The following MUC17 variants were observed in gnomAD, a reference collection of about 807,000 sequenced individuals.
The protein encoded by MUC17 is mucin-17.
MUC17 carries 190 observed loss-of-function variants against 170.3 expected under a neutral mutation model. That is an observed-to-expected ratio of 1.12 (90% CI 0.99 to 1.26). MUC17 has a LOEUF of 1.26. Ranked by LOEUF, MUC17 falls within the 50% of genes most tolerant of loss-of-function variation. MUC17 has a pLI of 0.00. For missense variants in MUC17, 6,415 were observed against 5,530.0 expected, an observed-to-expected ratio of 1.16 and a Z score of -5.08; for synonymous variants, 2,325 against 2,002.5, an observed-to-expected ratio of 1.16 and a Z score of -4.30.
rs764263151 is a variant in MUC17 at position 101,039,594 on chromosome 7, T to G, written c.8178T>G (p.Ser2726=). Reference sequence around the variant, plus strand: ...ACACCAGCACACCTGTCACCACTTCTGCTGAAGCCAGTTCTTCTCCTACAA... The same window carrying G: ...ACACCAGCACACCTGTCACCACTTCGGCTGAAGCCAGTTCTTCTCCTACAA... ...PVDTSTPVTT[S]AEASSSPTTA... Residue 2726 remains serine, a synonymous_variant, in exon 3 of 13, where the codon TCT becomes TCG. Transcript: ENST00000306151. 2.5e-6 allele frequency: 4 copies of G among 1,612,576 alleles called. No homozygotes were observed. Among genetic ancestry groups the G allele is most frequent in the Non-Finnish European group, 2.5e-6 (3 of 1,179,218 alleles).
rs1426730542 is a variant in MUC17, at chr7:101,050,589, C to T, written c.12828C>T (p.Ile4276=). 6.2e-7 allele frequency: 1 copy of T among 1,614,128 alleles called. No individual in the cohort carries two copies. The highest frequency in any genetic ancestry group is 1.7e-5 in the Admixed American group (1 of 60,022). ...CCACCGAAGTAGTGAAAGAGAAAAT[C>T]ACAAAAGTGACCACACAGCAAATAA... The part of the protein sequence containing the change: ...DNATEVVKEK[I]TKVTTQQIMI... Residue 4276 remains isoleucine (I), a synonymous_variant, in exon 7 of 13, where the codon ATC becomes ATT. Transcript: ENST00000306151.
Position 101,031,169 on chromosome 7 carries a change from AG to A in MUC17, c.136del (p.Asp46ThrfsTer3). On this transcript the variant is annotated frameshift_variant, in exon 2 of 13. Coordinates refer to ENST00000306151, the MANE Select transcript of MUC17 (RefSeq NM_001040105.2). LOFTEE classifies it high-confidence loss of function. ...GGGATGGAGGAGGGTGCATCTCCCAAGGGGACGTCTTGAACCGTCAGTGCCA... is the reference window on the plus strand; with the variant it reads ...GGGATGGAGGAGGGTGCATCTCCCAAGGGACGTCTTGAACCGTCAGTGCCA... ...VWDGGGCISQ[G>X]DVLNRQCQQL... 6.2e-7 allele frequency: 1 copy of A among 1,613,808 alleles called. No homozygotes were observed. The highest frequency in any genetic ancestry group is 1.7e-5 in the Admixed American group (1 of 59,980).
intron 3 of MUC17, among the ~76,000 whole-genome samples, chr7:101,044,226 A>G (rs576673181): frequency 8.5e-5 from 13 of 152,080 alleles, no homozygotes; most frequent in Admixed American, 8.5e-4. Flanking sequence ...AACCTACAGA[A>G]TGGGAGGAAA....
rs988430252 is a variant in MUC17, at chr7:101,050,841, T to C, written c.12874+206T>C. ...TTAACCTTCATCATCCTCTGGCCCA[T>C]TTTTTTCCCTGGGGTAAGGGAAGGG... On this transcript the variant is annotated intron_variant, in intron 7 of 12. Transcript: ENST00000306151. Among the ~76,000 whole-genome samples, 106 of 151,890 alleles carry C rather than the reference T, an allele frequency of 7.0e-4. 2 individuals carry two copies. Among genetic ancestry groups the C allele is most frequent in the Non-Finnish European group, 1.2e-4 (8 of 67,976 alleles).
Position 101,039,134 on chromosome 7 carries a change from G to C in MUC17, c.7718G>C (p.Ser2573Thr). Residue 2573 changes from serine (S) to threonine (T), a missense_variant, in exon 3 of 13, where the codon AGC (serine) becomes ACC (threonine). Coordinates refer to ENST00000306151, the MANE Select transcript of MUC17 (RefSeq NM_001040105.2). ...SMPTSTYSEG[S>T]TPLRSMPVST... is the part of the protein sequence containing the mutation. ...CCTACCTCAACTTATAGTGAAGGAA[G>C]CACTCCATTAAGAAGTATGCCTGTC... 6.2e-7 allele frequency: 1 copy of C among 1,612,588 alleles called. No homozygotes were observed. Among genetic ancestry groups the C allele is most frequent in the Non-Finnish European group, 8.5e-7 (1 of 1,179,634 alleles).
At chr7:101,051,317 A>G (rs1794937450) in intron 7 of MUC17, among the ~76,000 whole-genome samples, 1 of 134,888 alleles carries the variant, frequency 7.4e-6, no homozygotes, top group Non-Finnish European at 1.6e-5. Flanking sequence ...GTGAGCCGAG[A>G]TTGCACCACT....
chr7:101,048,814 A>T, intron 4 of MUC17, 31 bp from the exon 5 acceptor site: 2 of 1,612,278 alleles, frequency 1.2e-6, no homozygotes, highest in Non-Finnish European at 1.7e-6. Context: ...AAACTCAGAG[A>T]TGCTTTGCTC....
intron 12 of MUC17, among the ~76,000 whole-genome samples, chr7:101,057,674 G>A (rs1430155562): frequency 6.6e-6 from 1 of 152,176 alleles, no homozygotes; most frequent in Non-Finnish European, 1.5e-5. Context: ...GAGCCCAGGA[G>A]TTTGAGATCA....
chr7:101,034,382 C>G lies in MUC17; in HGVS notation c.2966C>G (p.Pro989Arg). Reference protein sequence around the residue: ...SEGTTPLTSTPVSHTLVANSE... With the variant: ...SEGTTPLTSTRVSHTLVANSE... ...GGAACGACTCCATTAACAAGCACACCTGTCAGCCACACGCTGGTGGCCAAT... is the reference window on the plus strand; with the variant it reads ...GGAACGACTCCATTAACAAGCACACGTGTCAGCCACACGCTGGTGGCCAAT... Residue 989 changes from proline to arginine, a missense_variant, in exon 3 of 13, where the codon CCT (proline) becomes CGT (arginine). Transcript: ENST00000306151. 1 of 1,608,676 alleles carries G rather than the reference C, an allele frequency of 6.2e-7. No homozygotes were observed. The highest frequency in any genetic ancestry group is 8.5e-7 in the Non-Finnish European group (1 of 1,177,554).
At chr7:101,046,897 G>T (rs1794851885) in intron 3 of MUC17, among the ~76,000 whole-genome samples, 1 of 151,792 alleles carries the variant, frequency 6.6e-6, no homozygotes, top group Non-Finnish European at 1.5e-5. Context: ...GGCTAACACG[G>T]TGAAACATCG....
Position 101,032,845 on chromosome 7 carries a change from G to C in MUC17, c.1429G>C (p.Val477Leu), listed in dbSNP as rs779837923. The C allele has an allele frequency of 1.9e-6, 3 of 1,613,652 alleles. No homozygotes were observed. In the Admixed American group the frequency reaches 5.0e-5, roughly 27 times the overall value. Residue 477 changes from valine (V) to leucine (L), a missense_variant, in exon 3 of 13, where the codon GTT becomes CTT. By Grantham distance (32) the Val-to-Leu change is conservative. Coordinates refer to ENST00000306151, the MANE Select transcript of MUC17 (RefSeq NM_001040105.2). ...GGCTAGCAACCTTTCAACAACTCCT[G>C]TTGACTCCAAAACTCAGGTGACCAC... is the stretch of plus-strand genomic sequence containing the variant. Reference protein sequence around the residue: ...SEASNLSTTPVDSKTQVTTST... With the variant: ...SEASNLSTTPLDSKTQVTTST...
Position 101,043,795 on chromosome 7 carries a change from C to T in MUC17, c.12379C>T (p.Pro4127Ser). 2 of 1,605,948 alleles carry T rather than the reference C, an allele frequency of 1.2e-6. No homozygotes were observed. Among genetic ancestry groups the T allele is most frequent in the Non-Finnish European group, 1.7e-6 (2 of 1,174,780 alleles). The change falls in exon 3 of 13, where the codon CCT becomes TCT. Residue 4127 changes from proline (P) to serine (S), a missense_variant. Pro to Ser is a moderately conservative substitution (Grantham distance 74). Transcript: ENST00000306151. ...TTIKSNPTST[P>S]TVPRTTTCFG... ...AATTAAGAGCAACCCCACCTCAACT[C>T]CTACTGTGCCAAGAACCACAACATG...
rs528092332 is a variant in MUC17 at position 101,034,666 on chromosome 7, A to G, written c.3250A>G (p.Thr1084Ala). ...TTATTCTCAAGCCAGTTCATCTTCT[A>G]CAACTGCTGACGGTACCAGCATGCC... is the stretch of plus-strand genomic sequence containing the variant. The part of the protein sequence containing the change: ...TTYSQASSSS[T>A]TADGTSMPTS... Residue 1084 changes from threonine (T) to alanine (A), a missense_variant, in exon 3 of 13, where the codon ACA becomes GCA. Coordinates refer to ENST00000306151, the MANE Select transcript of MUC17 (RefSeq NM_001040105.2). The G allele has an allele frequency of 1.4e-5, 23 of 1,606,238 alleles. 1 individual carries two copies. In the South Asian group the frequency reaches 1.8e-4, roughly 12 times the overall value.
At position 101,037,458 on chromosome 7, in the gene MUC17, T is replaced by C. The variant is rs1584865837; in HGVS notation, c.6042T>C (p.Thr2014=). Residue 2014 remains threonine (T), a synonymous_variant, in exon 3 of 13, where the codon ACT becomes ACC. Coordinates refer to ENST00000306151, the MANE Select transcript of MUC17 (RefSeq NM_001040105.2). ...TLSTTPVDTS[T]PATTSTEGSS... is the part of the protein sequence containing the mutation. ...CCACAACTCCTGTTGACACCAGCAC[T>C]CCTGCCACCACTTCTACTGAAGGCA... 1 of 1,610,282 alleles carries C rather than the reference T, an allele frequency of 6.2e-7. No homozygotes were observed. The highest frequency in any genetic ancestry group is 8.5e-7 in the Non-Finnish European group (1 of 1,178,022).
In MUC17 at chr7:101,032,137, G is replaced by C. The variant is rs770631238; in HGVS notation, c.721G>C (p.Val241Leu). The change falls in exon 3 of 13, where the codon GTT (valine) becomes CTT (leucine). Residue 241 changes from valine (V) to leucine (L), a missense_variant. Val to Leu is a conservative substitution (Grantham distance 32, BLOSUM62 1). Transcript: ENST00000306151. ...GGCTATCACCCTTTTGACAACTCCT[G>C]TTGAAATCAGCACACCTGTGACCAT... Reference protein sequence around the residue: ...SEAITLLTTPVEISTPVTISA... With the variant: ...SEAITLLTTPLEISTPVTISA... 1.2e-6 allele frequency: 2 copies of C among 1,613,764 alleles called. No homozygotes were observed. The highest frequency in any genetic ancestry group is 1.7e-6 in the Non-Finnish European group (2 of 1,179,976).
Position 101,054,395 on chromosome 7 carries a change from C to A in MUC17, c.13363+959C>A, listed in dbSNP as rs575755319. On this transcript the variant is annotated intron_variant, in intron 11 of 12. Coordinates refer to ENST00000306151, the MANE Select transcript of MUC17 (RefSeq NM_001040105.2). ...AGGTTAAAGGCACATGTTAAAATTTCTAAAAATAGAGTCTTTAAATTCTAA... is the reference window on the plus strand; with the variant it reads ...AGGTTAAAGGCACATGTTAAAATTTATAAAAATAGAGTCTTTAAATTCTAA... Among the ~76,000 whole-genome samples the A allele has an allele frequency of 9.9e-5, 15 of 152,084 alleles. No homozygotes were observed. In the South Asian group the frequency reaches 3.1e-3, roughly 32 times the overall value.
intron 3 of MUC17, among the ~76,000 whole-genome samples, chr7:101,044,798 T>G (rs529411979): frequency 2.6e-5 from 4 of 152,358 alleles, no homozygotes; most frequent in Admixed American, 6.5e-5. Flanking sequence ...TACGAACTTT[T>G]TTTTTGCAGA....
rs1483003844 is a variant in MUC17, at chr7:101,035,419, G to A, written c.4003G>A (p.Gly1335Arg). The A allele has an allele frequency of 6.2e-7, 1 of 1,606,618 alleles. No homozygotes were observed. The highest frequency in any genetic ancestry group is 8.5e-7 in the Non-Finnish European group (1 of 1,175,192). Residue 1335 changes from glycine to arginine, a missense_variant, in exon 3 of 13, where the codon GGA becomes AGA. Gly to Arg is a moderately radical substitution (Grantham distance 125, BLOSUM62 -2). Transcript: ENST00000306151. ...TSMPTSTYSE[G>R]RTPLTSIPVN... ...CATGCCAACCTCAACTTATAGTGAA[G>A]GAAGAACTCCTTTAACAAGTATACC...
Position 101,040,222 on chromosome 7 carries a change from A to G in MUC17, c.8806A>G (p.Ser2936Gly). 1.9e-6 allele frequency: 3 copies of G among 1,612,536 alleles called. No homozygotes were observed. Among genetic ancestry groups the G allele is most frequent in the Non-Finnish European group, 2.5e-6 (3 of 1,179,470 alleles). ...VSTPLTSILV[S>G]TVPVAGSEAS... ...TACTCCATTAACAAGTATACTTGTC[A>G]GCACCGTGCCAGTGGCCGGTTCTGA... Residue 2936 changes from serine to glycine, a missense_variant, in exon 3 of 13, where the codon AGC becomes GGC. Physicochemically the swap from Ser to Gly is moderately conservative, Grantham distance 56. Coordinates refer to ENST00000306151, the MANE Select transcript of MUC17 (RefSeq NM_001040105.2).
Sources: allele counts gnomAD v4.1 joint callset (sites outside exome capture counted in the v4.1 genomes callset), GRCh38; gene constraint gnomAD v4.1.1; transcripts MANE v1.5; gene names NCBI Gene and HGNC (gene_info 2026-07-23, HGNC 2026-07-21).